SV2C: variants seen among roughly 807,000 people sequenced by gnomAD.
SV2C encodes solute carrier family 22 member B3.
A neutral mutation model predicts 79.7 loss-of-function variants in SV2C; 49 were observed. The observed-to-expected ratio is 0.61, with a 90% confidence interval of 0.49 to 0.78. The LOEUF is 0.78. Among genes scored for constraint, SV2C ranks in the 30% least tolerant of loss-of-function variants. SV2C has a pLI of 0.00. For missense variants in SV2C, 833 were observed against 912.9 expected, an observed-to-expected ratio of 0.91 and a Z score of 1.13; for synonymous variants, 334 against 333.2, an observed-to-expected ratio of 1.00 and a Z score of -0.03.
chr5:76,188,604 C>G (rs1743995204), intron 2 of SV2C, among the ~76,000 whole-genome samples: 1 of 152,196 alleles, frequency 6.6e-6, no homozygotes, highest in Admixed American at 6.5e-5. Context: ...TTTCCCCCAT[C>G]TTAACCCCCA....
the SV2C span, among the ~76,000 whole-genome samples, chr5:76,026,708 TAGTG>T: frequency 3.3e-5 from 5 of 152,166 alleles, no homozygotes; most frequent in Admixed American, 3.3e-4. Context: ...TAAAAAGAGA[TAGTG>T]AGCCTAACTA....
chr5:76,030,275 T>G, the SV2C span, among the ~76,000 whole-genome samples: 2 of 110,832 alleles, frequency 1.8e-5, no homozygotes, highest in Non-Finnish European at 3.7e-5. Context: ...TGTTTTTTTT[T>G]TTTTTTTTTT....
intron 4 of SV2C, among the ~76,000 whole-genome samples, chr5:76,238,027 T>C (rs796342882): frequency 4.0e-4 from 49 of 122,882 alleles, no homozygotes; most frequent in South Asian, 1.7e-3. Context: ...CAATCACACA[T>C]ACACACACAC....
At chr5:75,999,467 C>T in the SV2C span, among the ~76,000 whole-genome samples, 1 of 151,430 alleles carries the variant, frequency 6.6e-6, no homozygotes, top group East Asian at 2.0e-4. Context: ...TCAGGGTCTG[C>T]CATGGGCAGG....
chr5:76,154,263 C>T (rs1259685718), intron 2 of SV2C, among the ~76,000 whole-genome samples: 1 of 152,210 alleles, frequency 6.6e-6, no homozygotes, highest in African/African-American at 2.4e-5. Flanking sequence ...CAGGATCACT[C>T]AGCTTTAGTA....
At chr5:75,900,689 T>C in the SV2C span, among the ~76,000 whole-genome samples, 3 of 152,352 alleles carry the variant, frequency 2.0e-5, no homozygotes, top group Middle Eastern at 3.4e-3. Flanking sequence ...TCCCCGTCAC[T>C]TTCACATGTA....
the SV2C span, among the ~76,000 whole-genome samples, chr5:76,053,038 A>T: frequency 3.3e-5 from 5 of 151,820 alleles, no homozygotes; most frequent in Non-Finnish European, 7.4e-5. Flanking sequence ...CGCACATTCC[A>T]TACCACACTC....
At chr5:76,019,512 G>T in the SV2C span, among the ~76,000 whole-genome samples, 1 of 152,084 alleles carries the variant, frequency 6.6e-6, no homozygotes, top group Non-Finnish European at 1.5e-5. Context: ...CGTGATGAGG[G>T]TAAAAAGTAT....
At chr5:76,071,967 T>C in the SV2C span, among the ~76,000 whole-genome samples, 1 of 152,210 alleles carries the variant, frequency 6.6e-6, no homozygotes, top group South Asian at 2.1e-4. Flanking sequence ...ATAAATCATC[T>C]GGATACAGAG....
In SV2C at chr5:76,120,945, T is replaced by C. The variant is rs1372866438; in HGVS notation, c.-101-10705T>C. Among the ~76,000 whole-genome samples, 756 of 151,374 alleles carry C rather than the reference T, an allele frequency of 5.0e-3. 5 individuals are homozygous for C. The highest frequency in any genetic ancestry group is 0.017 in the African/African-American group (707 of 40,862). On this transcript the variant is annotated intron_variant, in intron 1 of 12. Coordinates refer to ENST00000502798, the MANE Select transcript of SV2C (RefSeq NM_014979.4). ...CTAGATCCCTGAGGAATCGCCACACTAACTTCCACAATGGTTGAACTAGTT... is the reference window on the plus strand; with the variant it reads ...CTAGATCCCTGAGGAATCGCCACACCAACTTCCACAATGGTTGAACTAGTT...
intron 4 of SV2C, among the ~76,000 whole-genome samples, chr5:76,220,771 A>G (rs1745044356): frequency 6.6e-6 from 1 of 152,154 alleles, no homozygotes; most frequent in African/African-American, 2.4e-5. Flanking sequence ...TCATCATCAA[A>G]GGCCCCAATT....
At chr5:75,984,567 A>ATCTATCTATATCTATCTATCTATC in the SV2C span, among the ~76,000 whole-genome samples, 293 of 102,900 alleles carry the variant, frequency 2.8e-3, 3 homozygotes, top group African/African-American at 7.8e-3. Context: ...CTATCTATCT[A>ATCTATCTATATCTATCTATCTATC]TATCTATCTA....
rs568173846 is a variant in SV2C, at chr5:76,258,714, G to A, written c.914-26448G>A. Among the ~76,000 whole-genome samples, 21 of 152,260 alleles carry A rather than the reference G, an allele frequency of 1.4e-4. No homozygotes were observed. The South Asian group carries it at 4.4e-3, about 32-fold the overall frequency. On this transcript the variant is annotated intron_variant, in intron 4 of 12. Coordinates refer to ENST00000502798, the MANE Select transcript of SV2C (RefSeq NM_014979.4). ...TATTATTTACATTCAAAAAATGCAA[G>A]AATCTTAAGTGTACAGTTCAATGGA...
chr5:75,905,316 A>G, the SV2C span, among the ~76,000 whole-genome samples: 48 of 152,316 alleles, frequency 3.2e-4, no homozygotes, highest in Non-Finnish European at 1.5e-5. Flanking sequence ...AAATGCCAAG[A>G]TTCTGGCTGC....
the SV2C span, among the ~76,000 whole-genome samples, chr5:76,062,638 CTG>C: frequency 1.3e-5 from 2 of 149,068 alleles, no homozygotes; most frequent in Non-Finnish European, 3.0e-5. Flanking sequence ...AAAAAAAAAA[CTG>C]TGTAATTTTC....
chr5:76,185,182 G>A (rs1743873662), intron 2 of SV2C, among the ~76,000 whole-genome samples: 2 of 152,232 alleles, frequency 1.3e-5, no homozygotes, highest in African/African-American at 2.4e-5. Context: ...ACTGATACAA[G>A]AGGTGGGCTC....
At chr5:76,000,552 A>G in the SV2C span, among the ~76,000 whole-genome samples, 1 of 152,234 alleles carries the variant, frequency 6.6e-6, no homozygotes, top group South Asian at 2.1e-4. Context: ...AAATTCGAGA[A>G]GCCCTGCTCT....
chr5:75,892,729 C>G, the SV2C span, among the ~76,000 whole-genome samples: 1 of 152,080 alleles, frequency 6.6e-6, no homozygotes, highest in Non-Finnish European at 1.5e-5. Context: ...ATAAAGGCCT[C>G]CAGCTGCATC....
the SV2C span, among the ~76,000 whole-genome samples, chr5:75,982,165 G>A: frequency 2.0e-5 from 3 of 150,964 alleles, no homozygotes; most frequent in Non-Finnish European, 4.4e-5. Flanking sequence ...CACCAGCATG[G>A]CACATGTATG....
Sources: gnomAD v4.1 joint callset for allele counts (sites outside exome capture counted in the v4.1 genomes callset) on GRCh38, gnomAD v4.1.1 for gene constraint, MANE v1.5 for transcripts, NCBI Gene and HGNC (gene_info 2026-07-23, HGNC 2026-07-21) for gene names.